CMBL: variants seen among roughly 807,000 people sequenced by gnomAD.
CMBL encodes the protein carboxymethylenebutenolidase homolog (Pseudomonas).
In CMBL, 17 loss-of-function variants were observed where a neutral mutation model predicts 28.7. The ratio of observed to expected loss-of-function variants is 0.59; its 90% CI spans 0.41 to 0.89. The LOEUF (loss-of-function observed/expected upper bound fraction) is 0.89. Among genes scored for constraint, CMBL ranks in the 40% least tolerant of loss-of-function variants. The pLI is 0.00. For synonymous variants in CMBL, 106 were observed against 101.6 expected (o/e 1.04, Z -0.26); for missense variants, 310 against 298.5 (o/e 1.04, Z -0.28).
At chr5:10,295,888 T>G (rs1240258864) in intron 1 of CMBL, among the ~76,000 whole-genome samples, 1 of 152,224 alleles carries the variant, frequency 6.6e-6, no homozygotes, top group Non-Finnish European at 1.5e-5. Flanking sequence ...AGTGCACATT[T>G]TTGTGCTTTT....
intron 5 of CMBL, among the ~76,000 whole-genome samples, chr5:10,280,897 C>T (rs763438260): frequency 6.6e-6 from 1 of 152,208 alleles, no homozygotes. Flanking sequence ...CCTCAGCCTC[C>T]GGAGAAGCCG....
At position 10,283,549 on chromosome 5, in the gene CMBL, G is replaced by A. The variant is rs560364859; in HGVS notation, c.467-1261C>T. ...TCCCAGCACTTTGGGAGGCCAAGGC[G>A]GGGTGGATCACTTGAGGTCAGGAGT... On this transcript the variant is annotated intron_variant, in intron 4 of 5. Coordinates refer to ENST00000296658, the MANE Select transcript of CMBL (RefSeq NM_138809.4). 1.4e-4 allele frequency among the ~76,000 whole-genome samples: 22 copies of A among 152,222 alleles called. No individual in the cohort carries two copies. In the East Asian group the frequency reaches 2.1e-3, roughly 15 times the overall value.
chr5:10,281,082 T>C (rs1218423512), intron 5 of CMBL, among the ~76,000 whole-genome samples: 2 of 152,190 alleles, frequency 1.3e-5, no homozygotes, highest in Non-Finnish European at 1.5e-5. Flanking sequence ...CCTCTACTGC[T>C]AATTTTATAA....
chr5:10,286,588 C>A (rs931028118), intron 3 of CMBL, 92 bp from the exon 4 acceptor site: 1 of 1,225,538 alleles, frequency 8.2e-7, no homozygotes, highest in African/African-American at 1.5e-5. Flanking sequence ...GTATCAGCAA[C>A]TGTTTTTGAA....
intron 4 of CMBL, among the ~76,000 whole-genome samples, chr5:10,283,324 T>G (rs958670503): frequency 2.0e-5 from 3 of 152,162 alleles, no homozygotes; most frequent in Non-Finnish European, 4.4e-5. Context: ...GAGAAGTTTC[T>G]CAGGTCTACA....
intron 3 of CMBL, 29 bp from the exon 4 acceptor site, chr5:10,286,525 A>G: frequency 2.7e-5 from 43 of 1,603,322 alleles, no homozygotes; most frequent in Non-Finnish European, 3.6e-5. Flanking sequence ...ATATTCAAGA[A>G]TCAGGCTTAT....
chr5:10,300,342 C>T (rs1263268145), intron 1 of CMBL, among the ~76,000 whole-genome samples: 1 of 152,200 alleles, frequency 6.6e-6, no homozygotes, highest in African/African-American at 2.4e-5. Flanking sequence ...GCCCTGCTGA[C>T]ACTTTCAATT....
At chr5:10,299,734 C>T (rs1316214412) in intron 1 of CMBL, among the ~76,000 whole-genome samples, 1 of 151,696 alleles carries the variant, frequency 6.6e-6, no homozygotes, top group Non-Finnish European at 1.5e-5. Flanking sequence ...ACCTGTGGTC[C>T]CAGCTACTCA....
Position 10,288,441 on chromosome 5 carries a change from T to C in CMBL, c.304A>G (p.Asn102Asp). 1 of 1,613,778 alleles carries C rather than the reference T, an allele frequency of 6.2e-7. No individual in the cohort carries two copies. Among genetic ancestry groups the C allele is most frequent in the Non-Finnish European group, 8.5e-7 (1 of 1,179,742 alleles). Residue 102 changes from asparagine to aspartate, a missense_variant, in exon 3 of 6, where the codon AAT becomes GAT. By Grantham distance (23) the Asn-to-Asp change is conservative. Transcript: ENST00000296658. ...SIFPEWLKTR[N>D]AQKIDREISA... Reference sequence around the variant, plus strand: ...ACTCACCTATCGATCTTCTGGGCATTTCTTGTTTTCAGCCACTCAGGGAAG... The same window carrying C: ...ACTCACCTATCGATCTTCTGGGCATCTCTTGTTTTCAGCCACTCAGGGAAG...
chr5:10,299,068 C>T (rs76132719), intron 1 of CMBL, among the ~76,000 whole-genome samples: 21,345 of 151,958 alleles, frequency 0.14, 2,575 homozygotes, highest in African/African-American at 0.33. Context: ...AAGATAGTAA[C>T]TAAGATGAAA....
intron 4 of CMBL, among the ~76,000 whole-genome samples, chr5:10,285,628 T>G (rs1746584648): frequency 6.6e-6 from 1 of 152,116 alleles, no homozygotes; most frequent in South Asian, 2.1e-4. Flanking sequence ...TGTGTGTGCA[T>G]GTTTGTGTAC....
chr5:10,287,528 T>C (rs2126545574), intron 3 of CMBL, among the ~76,000 whole-genome samples: 1 of 152,110 alleles, frequency 6.6e-6, no homozygotes, highest in South Asian at 2.1e-4. Flanking sequence ...AAACTATATA[T>C]TAGGTAAACT....
rs1395486326 is a variant in CMBL at position 10,278,021 on chromosome 5, A to C, written c.*2432T>G. On this transcript the variant is annotated 3_prime_UTR_variant, in exon 6 of 6. Transcript: ENST00000296658. The stretch of plus-strand genomic sequence containing the variant: ...TGAATGTGTGAGGCCTCCTGGGAGC[A>C]GCCCTCAGCAGGCAAGGGCTTTGGC... Among the ~76,000 whole-genome samples, 1 of 152,228 alleles carries C rather than the reference A, an allele frequency of 6.6e-6. No individual in the cohort carries two copies. The highest frequency in any genetic ancestry group is 2.4e-5 in the African/African-American group (1 of 41,464).
intron 4 of CMBL, among the ~76,000 whole-genome samples, chr5:10,282,682 A>G (rs1171592953): frequency 6.6e-6 from 1 of 151,512 alleles, no homozygotes; most frequent in African/African-American, 2.4e-5. Context: ...ACTTGCGGGG[A>G]CTAAGGTGGG....
At chr5:10,280,662 C>G (rs995439229) in intron 5 of CMBL, 30 bp from the exon 6 acceptor site, 3 of 1,557,488 alleles carry the variant, frequency 1.9e-6, no homozygotes, top group Non-Finnish European at 2.6e-6. Flanking sequence ...ATGATTTTAA[C>G]CCTTTAGTGA....
chr5:10,283,090 C>CGGAAA (rs1746527463), intron 4 of CMBL, among the ~76,000 whole-genome samples: 1 of 40,020 alleles, frequency 2.5e-5, no homozygotes. Flanking sequence ...GACTCCGTCT[C>CGGAAA]AGAAAAAAAA....
chr5:10,300,941 G>T (rs1746888510), intron 1 of CMBL, among the ~76,000 whole-genome samples: 1 of 150,226 alleles, frequency 6.7e-6, no homozygotes, highest in African/African-American at 2.4e-5. Flanking sequence ...ATAGCATTTT[G>T]ATTCTAAATA....
chr5:10,282,221 A>G lies in CMBL; in HGVS notation c.534T>C (p.Asn178=), dbSNP rs115129340. ...CGTCCTTGAGTGGAATCACAACATC[A>G]TTTTCAGCAAAAATGAACAAAGTGG... ...KNPTLFIFAE[N]DVVIPLKDVS... Residue 178 remains asparagine (N), a synonymous_variant, in exon 5 of 6, where the codon AAT becomes AAC. Coordinates refer to ENST00000296658, the MANE Select transcript of CMBL (RefSeq NM_138809.4). The G allele has an allele frequency of 0.01, 16,449 of 1,611,844 alleles. 133 individuals are homozygous for G. Among genetic ancestry groups the G allele is most frequent in the Middle Eastern group, 0.049 (295 of 6,056 alleles).
intron 3 of CMBL, among the ~76,000 whole-genome samples, chr5:10,287,035 T>C (rs1364211056): frequency 5.3e-5 from 8 of 152,146 alleles, no homozygotes; most frequent in Admixed American, 5.2e-4. Flanking sequence ...TGCCGCCCAG[T>C]GAAGCCAAAT....
Sources: gnomAD v4.1 joint callset for allele counts (sites outside exome capture counted in the v4.1 genomes callset) on GRCh38, gnomAD v4.1.1 for gene constraint, MANE v1.5 for transcripts, NCBI Gene and HGNC (gene_info 2026-07-23, HGNC 2026-07-21) for gene names.